Variants in NDRG2 observed in about 807,000 individuals in gnomAD.
The protein encoded by NDRG2 is protein NDRG2.
In NDRG2, 34 loss-of-function variants were observed where a neutral mutation model predicts 58.2. The ratio of observed to expected loss-of-function variants is 0.58; its 90% CI spans 0.44 to 0.78. The LOEUF is 0.78. Among genes scored for constraint, NDRG2 ranks in the 30% least tolerant of loss-of-function variants. The pLI, the probability that NDRG2 is intolerant of heterozygous loss-of-function variation, is 0.00. For missense variants in NDRG2, 434 were observed against 471.2 expected (o/e 0.92, Z 0.73); for synonymous variants, 187 against 175.9 (o/e 1.06, Z -0.50).
At chr14:21,054,159 A>C (rs1885581546) in intron 1 of NDRG2, among the ~76,000 whole-genome samples, 1 of 152,248 alleles carries the variant, frequency 6.6e-6, no homozygotes. Context: ...TTTGAGGATC[A>C]GATCGAAGTG....
At position 21,017,681 on chromosome 14, in the gene NDRG2, G is replaced by A. The variant is rs1375945651; in HGVS notation, c.1031C>T (p.Ser344Phe). 3 of 1,610,938 alleles carry A rather than the reference G, an allele frequency of 1.9e-6. No homozygotes were observed. Among genetic ancestry groups the A allele is most frequent in the South Asian group, 2.2e-5 (2 of 90,452 alleles). Residue 344 changes from serine to phenylalanine, a missense_variant, in exon 16 of 16, where the codon TCC becomes TTC. Transcript: ENST00000556147. The part of the protein sequence containing the change: ...TSAASVDGNR[S>F]RSRTLSQSSE... ...GCTCTGGGACAGGGTGCGAGAGCGG[G>A]ACCGGTTGCCATCAACGGATGCTGC...
intron 1 of NDRG2, among the ~76,000 whole-genome samples, chr14:21,060,405 G>A (rs927854269): frequency 6.6e-6 from 1 of 152,164 alleles, no homozygotes; most frequent in African/African-American, 2.4e-5. Flanking sequence ...TGAGACAGAA[G>A]CAGCATTCTT....
rs1566445323 is a variant in NDRG2, at chr14:21,016,900, C to T, written c.*696G>A. On this transcript the variant is annotated 3_prime_UTR_variant, in exon 16 of 16. Transcript: ENST00000556147. ...CACCCTATGCCAAGCCCCAAGCAGCCCAGCCCAAGCTTAGCTCCCTCCCCA... is the reference window on the plus strand; with the variant it reads ...CACCCTATGCCAAGCCCCAAGCAGCTCAGCCCAAGCTTAGCTCCCTCCCCA... The T allele has an allele frequency of 2.2e-6, 1 of 456,654 alleles. No homozygotes were observed. The highest frequency in any genetic ancestry group is 2.3e-5 in the Admixed American group (1 of 42,576). 28.3% of individuals were successfully genotyped at this position (456,654 alleles called of 1,614,324 possible).
In NDRG2 at chr14:21,070,203, G is replaced by A. The variant is rs1171582950; in HGVS notation, c.24+625C>T. The A allele has an allele frequency of 2.0e-5, 7 of 342,860 alleles. No homozygotes were observed. The allele number at this position is 342,860 out of a possible 1,614,324, so 21.2% of individuals were successfully genotyped here. A position where few individuals can be genotyped will look rare whatever the true frequency, so the allele number is the denominator to read the frequency against. On this transcript the variant is annotated intron_variant, in intron 1 of 14. Transcript: ENST00000403829. This position sits in a 1 kb window ranked among gnomAD's most constrained non-coding sequence, Gnocchi z 4.7. ...GGCGGGGGCGGGCGCTGAAGGGCGG[G>A]GCGGGGAGGGGCGGCCGTCTCGGCC...
At chr14:21,052,585 G>T (rs1209199592) in intron 1 of NDRG2, among the ~76,000 whole-genome samples, 1 of 152,168 alleles carries the variant, frequency 6.6e-6, no homozygotes, top group Non-Finnish European at 1.5e-5. Flanking sequence ...ATAGAATTTG[G>T]TTAGAATAGT....
rs1451633292 is a variant in NDRG2, at chr14:21,070,447, C to A, written c.24+381G>T. Reference sequence around the variant, plus strand: ...CTGGGTCCCCTCGGCCTTCGCGCAGCCCGCTCCGGGCCCCCAAGTCCTCAG... The same window carrying A: ...CTGGGTCCCCTCGGCCTTCGCGCAGACCGCTCCGGGCCCCCAAGTCCTCAG... On this transcript the variant is annotated intron_variant, in intron 1 of 14. Coordinates refer to the NDRG2 transcript ENST00000403829. The surrounding 1 kb of genome is among the most constrained non-coding windows in gnomAD (Gnocchi z 4.7). The A allele has an allele frequency of 7.3e-7, 1 of 1,361,654 alleles. No homozygotes were observed. The highest frequency in any genetic ancestry group is 9.4e-7 in the Non-Finnish European group (1 of 1,063,738). 84.3% of individuals were successfully genotyped at this position (1,361,654 alleles called of 1,614,324 possible).
chr14:21,022,576 TG>T, intron 3 of NDRG2, 79 bp from the exon 4 acceptor site: 1 of 1,001,650 alleles, frequency 1.0e-6, no homozygotes, highest in Admixed American at 2.1e-5. Flanking sequence ...GTCAGGGAGC[TG>T]GGAGTGGGTG....
chr14:21,035,847 T>C (rs1255044340), intron 1 of NDRG2: 2 of 456,000 alleles, frequency 4.4e-6, no homozygotes, highest in Non-Finnish European at 8.8e-6. Flanking sequence ...CCCCTCCACC[T>C]CCCCAATCCC....
intron 1 of NDRG2, among the ~76,000 whole-genome samples, chr14:21,041,889 A>T (rs1199754957): frequency 1.3e-5 from 2 of 152,116 alleles, no homozygotes; most frequent in South Asian, 4.1e-4. Context: ...TGTCTGTTCC[A>T]TCTCCTCCGA....
Position 21,070,325 on chromosome 14 carries a change from G to A in NDRG2, c.24+503C>T, listed in dbSNP as rs1003467019. 3 of 1,389,274 alleles carry A rather than the reference G, an allele frequency of 2.2e-6. No individual in the cohort carries two copies. The highest frequency in any genetic ancestry group is 2.8e-6 in the Non-Finnish European group (3 of 1,074,376). 86.1% of individuals were successfully genotyped at this position (1,389,274 alleles called of 1,614,324 possible). ...AGCCAGACCCGGCGAGACACGAGCGGCGGGAGGGAGGCGGTGGCGCGCCCG... is the reference window on the plus strand; with the variant it reads ...AGCCAGACCCGGCGAGACACGAGCGACGGGAGGGAGGCGGTGGCGCGCCCG... On this transcript the variant is annotated intron_variant, in intron 1 of 14. Transcript: ENST00000403829. This position sits in a 1 kb window ranked among gnomAD's most constrained non-coding sequence, Gnocchi z 4.7.
intron 1 of NDRG2, among the ~76,000 whole-genome samples, chr14:21,065,614 G>A (rs1195891918): frequency 6.6e-6 from 1 of 152,142 alleles, no homozygotes; most frequent in Non-Finnish European, 1.5e-5. Context: ...AAAGACAATG[G>A]GTGAGAGACC....
chr14:21,025,827 C>A, upstream of NDRG2: 2 of 427,708 alleles, frequency 4.7e-6, no homozygotes, highest in East Asian at 1.7e-4. The surrounding 1 kb of genome is among the most constrained non-coding windows in gnomAD (Gnocchi z 5.1). Context: ...AGAGGATGGC[C>A]AACAGGGACT....
At chr14:21,067,711 T>TC (rs1886342756) in intron 1 of NDRG2, among the ~76,000 whole-genome samples, 1 of 150,774 alleles carries the variant, frequency 6.6e-6, no homozygotes, top group Non-Finnish European at 1.5e-5. Flanking sequence ...CCTTTCATAT[T>TC]CCCCCACTAA....
At chr14:21,054,325 A>G (rs1008585266) in intron 1 of NDRG2, among the ~76,000 whole-genome samples, 9 of 107,948 alleles carry the variant, frequency 8.3e-5, no homozygotes, top group African/African-American at 3.1e-4. Flanking sequence ...ATTGATCACA[A>G]AAGAGATAAT....
chr14:21,037,309 C>G (rs1294588768), intron 1 of NDRG2, among the ~76,000 whole-genome samples: 1 of 152,266 alleles, frequency 6.6e-6, no homozygotes, highest in African/African-American at 2.4e-5. Flanking sequence ...TTCATCCATT[C>G]TGACAACCTC....
Position 21,054,674 on chromosome 14 carries a change from C to T in NDRG2, c.24+16154G>A, listed in dbSNP as rs1355290286. ...CATGAACTTTGGAGCCAAACAGAACCGAATTTCAAATCCCGGCCCTGCCAC... is the reference window on the plus strand; with the variant it reads ...CATGAACTTTGGAGCCAAACAGAACTGAATTTCAAATCCCGGCCCTGCCAC... On this transcript the variant is annotated intron_variant, in intron 1 of 14. Coordinates refer to the NDRG2 transcript ENST00000403829. Among the ~76,000 whole-genome samples the T allele has an allele frequency of 2.6e-5, 4 of 152,170 alleles. No homozygotes were observed. In the East Asian group the frequency reaches 5.8e-4, roughly 22 times the overall value.
At chr14:21,033,789 G>T in intron 1 of NDRG2, 1 of 1,349,444 alleles carries the variant, frequency 7.4e-7, no homozygotes, top group Non-Finnish European at 1.1e-6. Context: ...CTGGCCTGTG[G>T]TGGTAGAGGT....
chr14:21,033,217 A>G (rs961961306), intron 1 of NDRG2: 36 of 346,686 alleles, frequency 1.0e-4, no homozygotes, highest in Admixed American at 3.3e-4. Flanking sequence ...GGTAAGAGGA[A>G]GCAGGAGAGG....
At chr14:21,043,513 A>G (rs1885009502) in intron 1 of NDRG2, 1 of 1,165,288 alleles carries the variant, frequency 8.6e-7, no homozygotes. Flanking sequence ...CCTCTCCAGG[A>G]CTCCGCACCA....
Sources: allele counts gnomAD v4.1 joint callset (sites outside exome capture counted in the v4.1 genomes callset), GRCh38; gene constraint gnomAD v4.1.1; non-coding constraint Gnocchi (gnomAD v3.1); transcripts MANE v1.5; gene names NCBI Gene and HGNC (gene_info 2026-07-23, HGNC 2026-07-21).